The following CCDC7 variants were observed in gnomAD, a reference collection of about 807,000 sequenced individuals.
The protein encoded by CCDC7 is coiled-coil domain containing 7, also known as coiled-coil domain-containing protein 7.
Under a neutral mutation model 196.9 loss-of-function variants are expected in CCDC7, and 183 were observed. The observed-to-expected ratio is 0.93, with a 90% CI of 0.82 to 1.05. The LOEUF (loss-of-function observed/expected upper bound fraction) is 1.05. Among genes scored for constraint, CCDC7 ranks in the 50% least tolerant of loss-of-function variants. The pLI is 0.00. For missense variants in CCDC7, 1,540 were observed against 1,482.2 expected, an observed-to-expected ratio of 1.04 and a Z score of -0.64; for synonymous variants, 525 against 484.6, an observed-to-expected ratio of 1.08 and a Z score of -1.10.
rs200418904 is a variant in CCDC7, at chr10:32,743,627, T to C, written c.2905+14170T>C. On this transcript the variant is annotated intron_variant, in intron 28 of 41. Coordinates refer to ENST00000639629, the Ensembl canonical transcript of CCDC7. Reference sequence around the variant, plus strand: ...CTAGAAATACCATTTGACCCAGCCATCCCATTACTGGGTATATACCCAAAG... The same window carrying C: ...CTAGAAATACCATTTGACCCAGCCACCCCATTACTGGGTATATACCCAAAG... 1.2e-4 allele frequency among the ~76,000 whole-genome samples: 18 copies of C among 152,234 alleles called. No homozygotes were observed. The East Asian group carries it at 2.9e-3, about 25-fold the overall frequency.
chr10:32,702,665 G>A (rs2078957750), intron 24 of CCDC7, among the ~76,000 whole-genome samples: 1 of 152,146 alleles, frequency 6.6e-6, no homozygotes. Flanking sequence ...AAGTCTCTTT[G>A]TAGGTCTCTA....
chr10:32,823,198 A>G (rs2090549183), intron 31 of CCDC7, among the ~76,000 whole-genome samples: 2 of 151,642 alleles, frequency 1.3e-5, no homozygotes, highest in Non-Finnish European at 2.9e-5. Context: ...GCTGGAGTAC[A>G]GTGATGCAAT....
chr10:32,564,545 G>T (rs1473328223), intron 13 of CCDC7, among the ~76,000 whole-genome samples: 9 of 150,998 alleles, frequency 6.0e-5, no homozygotes, highest in South Asian at 2.1e-4. Flanking sequence ...GTAAACTATC[G>T]CAAGAACAAA....
At chr10:32,798,512 G>A (rs188225871) in intron 29 of CCDC7, among the ~76,000 whole-genome samples, 7 of 152,316 alleles carry the variant, frequency 4.6e-5, no homozygotes, top group East Asian at 3.9e-4. Flanking sequence ...GAGGTCACCC[G>A]TTGGTGAGCA....
At chr10:32,472,943 T>TA (rs2038252042) in intron 7 of CCDC7, among the ~76,000 whole-genome samples, 1 of 152,186 alleles carries the variant, frequency 6.6e-6, no homozygotes, top group African/African-American at 2.4e-5. Context: ...TTTTGAGACT[T>TA]AAAGTTAAAA....
chr10:32,465,216 G>C (rs956344839), intron 5 of CCDC7, among the ~76,000 whole-genome samples: 2 of 139,964 alleles, frequency 1.4e-5, no homozygotes, highest in African/African-American at 6.6e-5. Context: ...AAGTAAAACA[G>C]TTAGAGTTGT....
At chr10:32,774,255 A>G (rs1473947077) in intron 28 of CCDC7, among the ~76,000 whole-genome samples, 2 of 151,358 alleles carry the variant, frequency 1.3e-5, no homozygotes, top group Non-Finnish European at 2.9e-5. Flanking sequence ...ACCTACAAAA[A>G]TTCACATGCC....
chr10:32,680,927 A>G (rs1307163734), intron 21 of CCDC7, among the ~76,000 whole-genome samples: 2 of 152,176 alleles, frequency 1.3e-5, no homozygotes, highest in Non-Finnish European at 2.9e-5. Flanking sequence ...TTAAAGATTC[A>G]CTGGAAGAAG....
At chr10:32,704,925 G>A (rs1199655070) in intron 24 of CCDC7, among the ~76,000 whole-genome samples, 2 of 152,128 alleles carry the variant, frequency 1.3e-5, no homozygotes, top group Admixed American at 1.3e-4. Flanking sequence ...CCTTTCCTTG[G>A]CTAGGAAAGG....
intron 5 of CCDC7, among the ~76,000 whole-genome samples, chr10:32,464,781 G>A (rs1322043348): frequency 6.6e-6 from 1 of 152,170 alleles, no homozygotes; most frequent in Non-Finnish European, 1.5e-5. Flanking sequence ...AAAGTGCTGG[G>A]ATTACAGGCG....
chr10:32,539,343 G>A (rs1257936970), intron 11 of CCDC7, among the ~76,000 whole-genome samples: 1 of 152,062 alleles, frequency 6.6e-6, no homozygotes, highest in Non-Finnish European at 1.5e-5. Context: ...GTTTCTGATG[G>A]TGATTTGTAT....
chr10:32,834,745 T>A, intron 32 of CCDC7, 70 bp from the exon 34 acceptor site: 1 of 650,710 alleles, frequency 1.5e-6, no homozygotes, highest in Non-Finnish European at 2.8e-6. Context: ...TACTATCACA[T>A]ACACACAGCA....
At chr10:32,502,221 G>A (rs1339954573) in intron 9 of CCDC7, among the ~76,000 whole-genome samples, 1 of 152,130 alleles carries the variant, frequency 6.6e-6, no homozygotes, top group Admixed American at 6.5e-5. Context: ...GTCTGCCGGT[G>A]GTGAAGACCA....
chr10:32,828,492 G>GAAGAAGAAGAAGA lies in CCDC7; in HGVS notation c.3268+3890_3268+3902dup, dbSNP rs2091649637. 1.0e-3 allele frequency among the ~76,000 whole-genome samples: 93 copies of GAAGAAGAAGAAGA among 90,006 alleles called. 2 individuals are homozygous for GAAGAAGAAGAAGA. Among genetic ancestry groups the GAAGAAGAAGAAGA allele is most frequent in the African/African-American group, 3.7e-3 (86 of 23,046 alleles). 59.0% of individuals were successfully genotyped at this position (90,006 alleles called of 152,430 possible). On this transcript the variant is annotated intron_variant, in intron 32 of 41. Transcript: ENST00000639629. ...GGAAGAGGAAGAGGAAGAGGAAGAA[G>GAAGAAGAAGAAGA]AAGAAGAAGAAGAAGAAGAAGAAGA...
At chr10:32,779,042 A>G in exon 29 of CCDC7, 3 of 1,550,256 alleles carry the variant, frequency 1.9e-6, no homozygotes, top group South Asian at 1.2e-5. Context: ...GTACCCGTCA[A>G]TTAGCGACCT....
At chr10:32,518,326 G>A in intron 10 of CCDC7, 90 bp from the exon 12 acceptor site, 1 of 1,320,316 alleles carries the variant, frequency 7.6e-7, no homozygotes, top group Non-Finnish European at 1.0e-6. Context: ...AGTTAATGAA[G>A]ACTTTCTTAC....
At chr10:32,638,712 C>A (rs1254888080) in intron 20 of CCDC7, among the ~76,000 whole-genome samples, 1 of 152,188 alleles carries the variant, frequency 6.6e-6, no homozygotes, top group Non-Finnish European at 1.5e-5. Flanking sequence ...GTGTCTCTGT[C>A]AGGCTTTGGT....
intron 18 of CCDC7, among the ~76,000 whole-genome samples, chr10:32,622,162 A>G (rs2063489568): frequency 1.3e-5 from 2 of 152,142 alleles, no homozygotes; most frequent in African/African-American, 4.8e-5. Flanking sequence ...ACTCTTGGCT[A>G]ACTCTCACTC....
At chr10:32,757,622 T>C (rs1176560738) in intron 28 of CCDC7, among the ~76,000 whole-genome samples, 1 of 152,224 alleles carries the variant, frequency 6.6e-6, no homozygotes, top group South Asian at 2.1e-4. Context: ...GGGAAACTTA[T>C]AGCACTAAAT....
Sources: gnomAD v4.1 joint callset for allele counts (sites outside exome capture counted in the v4.1 genomes callset) on GRCh38, gnomAD v4.1.1 for gene constraint, MANE v1.5 for transcripts, NCBI Gene and HGNC (gene_info 2026-07-23, HGNC 2026-07-21) for gene names.